KANK4: variants seen among roughly 807,000 people sequenced by gnomAD.
The protein encoded by KANK4 is KN motif and ankyrin repeat domain-containing protein 4.
In KANK4, 50 loss-of-function variants were observed where a neutral mutation model predicts 80.8. The observed-to-expected ratio is 0.62, with a 90% CI of 0.49 to 0.78. KANK4 has a LOEUF of 0.78. Ranked by LOEUF, KANK4 falls within the 30% of genes least tolerant of loss-of-function variation. The pLI is 0.00. For synonymous variants in KANK4, 465 were observed against 506.9 expected (o/e 0.92, Z 1.11); for missense variants, 1,196 against 1,240.1 (o/e 0.96, Z 0.53).
At chr1:62,306,717 A>C (rs1370270410) in intron 1 of KANK4, among the ~76,000 whole-genome samples, 1 of 152,120 alleles carries the variant, frequency 6.6e-6, no homozygotes, top group Middle Eastern at 3.2e-3. Context: ...AATTTTTAAT[A>C]AAAAAATTCC....
intron 1 of KANK4, among the ~76,000 whole-genome samples, chr1:62,314,736 T>C (rs1644526339): frequency 6.6e-6 from 1 of 152,078 alleles, no homozygotes; most frequent in Non-Finnish European, 1.5e-5. Context: ...ACAAGTTTTA[T>C]TTACTTTTGG....
At chr1:62,261,407 G>C (rs1028154343) in intron 7 of KANK4, among the ~76,000 whole-genome samples, 3 of 151,654 alleles carry the variant, frequency 2.0e-5, no homozygotes, top group Non-Finnish European at 4.4e-5. Flanking sequence ...TGATCCACCC[G>C]CTTCGGCCTC....
intron 1 of KANK4, among the ~76,000 whole-genome samples, chr1:62,299,854 G>A (rs888882687): frequency 2.0e-5 from 3 of 152,072 alleles, no homozygotes; most frequent in Admixed American, 6.5e-5. Flanking sequence ...AGAGTGAGCC[G>A]TTCAAAATAG....
At chr1:62,267,610 G>A (rs1672053890) in intron 5 of KANK4, among the ~76,000 whole-genome samples, 1 of 152,114 alleles carries the variant, frequency 6.6e-6, no homozygotes, top group Admixed American at 6.5e-5. Flanking sequence ...GATCAGCCTG[G>A]CCAACATAGT....
chr1:62,252,407 G>A (rs796675363), intron 8 of KANK4, among the ~76,000 whole-genome samples: 4 of 152,382 alleles, frequency 2.6e-5, no homozygotes, highest in African/African-American at 9.6e-5. Flanking sequence ...GCAGAGGTAA[G>A]GCAGATAGGA....
At chr1:62,256,635 G>A (rs1030679069) in intron 7 of KANK4, among the ~76,000 whole-genome samples, 5 of 152,094 alleles carry the variant, frequency 3.3e-5, no homozygotes, top group East Asian at 1.9e-4. Context: ...CGCGCACCTC[G>A]GCCTCCCAAA....
rs1457828810 is a variant in KANK4, at chr1:62,268,155, G to A, written c.2231+132C>T. 4.0e-6 allele frequency: 3 copies of A among 756,836 alleles called. No individual in the cohort carries two copies. The African/African-American group carries it at 5.3e-5, about 13-fold the overall frequency. The allele number at this position is 756,836 out of a possible 1,614,324, so 46.9% of individuals were successfully genotyped here. A position where few individuals can be genotyped will look rare whatever the true frequency, so the allele number is the denominator to read the frequency against. On this transcript the variant is annotated intron_variant, in intron 5 of 9. Coordinates refer to ENST00000371153, the MANE Select transcript of KANK4 (RefSeq NM_181712.5). ...TTCAACCAGTGCACAGTGTGGGCAT[G>A]AAACAGAGACTTAAACAACACTGGC...
At chr1:62,279,407 G>A (rs894154694) in intron 2 of KANK4, among the ~76,000 whole-genome samples, 1 of 152,218 alleles carries the variant, frequency 6.6e-6, no homozygotes, top group Non-Finnish European at 1.5e-5. Context: ...CTGGTGACAG[G>A]TATGCGGGAG....
intron 1 of KANK4, among the ~76,000 whole-genome samples, chr1:62,307,527 C>T (rs1644462544): frequency 6.7e-6 from 1 of 149,998 alleles, no homozygotes; most frequent in South Asian, 2.1e-4. Flanking sequence ...AATTCATTTC[C>T]TAATCTGATA....
intron 6 of KANK4, among the ~76,000 whole-genome samples, chr1:62,263,875 G>A (rs1557480658): frequency 6.6e-6 from 1 of 152,188 alleles, no homozygotes; most frequent in Admixed American, 6.5e-5. Context: ...AGGACCTTGA[G>A]AGTAAATGGT....
intron 9 of KANK4, among the ~76,000 whole-genome samples, chr1:62,243,067 C>A (rs1014444611): frequency 2.6e-5 from 4 of 152,220 alleles, no homozygotes; most frequent in African/African-American, 9.6e-5. Context: ...ATTACCTGCA[C>A]TACCTGGGCA....
chr1:62,312,443 C>A (rs113867775), intron 1 of KANK4, among the ~76,000 whole-genome samples: 2,072 of 152,304 alleles, frequency 0.014, 42 homozygotes, highest in African/African-American at 0.047. Flanking sequence ...TATACGGGAA[C>A]CCCTTGGGGC....
At chr1:62,269,996 G>A (rs747401719) in intron 4 of KANK4, among the ~76,000 whole-genome samples, 6 of 152,168 alleles carry the variant, frequency 3.9e-5, no homozygotes, top group Admixed American at 6.6e-5. Flanking sequence ...TGTTTCCAGC[G>A]TGCAACCAAG....
In KANK4 at chr1:62,293,062, T is replaced by TTGTGTG. The variant is rs5774593; in HGVS notation, c.-70-11434_-70-11429dup. Reference sequence around the variant, plus strand: ...CCCCTGCCATTAAGTGTCTCAATCTTTGTGTGTGTGTGTGTGTGTGTGTGT... The same window carrying TTGTGTG: ...CCCCTGCCATTAAGTGTCTCAATCTTTGTGTGTGTGTGTGTGTGTGTGTGTGTGTGT... On this transcript the variant is annotated intron_variant, in intron 1 of 9. Transcript: ENST00000371153. Among the ~76,000 whole-genome samples, 460 of 146,772 alleles carry TTGTGTG rather than the reference T, an allele frequency of 3.1e-3. 7 individuals are homozygous for TTGTGTG. In the South Asian group the frequency reaches 0.035, roughly 11 times the overall value.
intron 4 of KANK4, among the ~76,000 whole-genome samples, chr1:62,270,836 C>G (rs1001206908): frequency 6.6e-6 from 1 of 150,646 alleles, no homozygotes; most frequent in Non-Finnish European, 1.5e-5. Context: ...CAAAACTTAT[C>G]TCAGCACATC....
rs749237218 is a variant in KANK4, at chr1:62,273,874, C to T, written c.1230G>A (p.Thr410=). The T allele has an allele frequency of 6.8e-6, 11 of 1,614,068 alleles. No homozygotes were observed. Among genetic ancestry groups the T allele is most frequent in the Middle Eastern group, 1.6e-4 (1 of 6,084 alleles). Residue 410 remains threonine, a synonymous_variant, in exon 3 of 10, where the codon ACG becomes ACA. Transcript: ENST00000371153. ...CAGGGTCAGTGTTCACCATCACGTC[C>T]GTCTGGCCCTGAGTGTCTTTGGCGT... is the stretch of plus-strand genomic sequence containing the variant. ...QENAKDTQGQ[T]DVMVNTDPVH... is the part of the protein sequence containing the mutation.
chr1:62,257,455 G>A (rs1671777854), intron 7 of KANK4, among the ~76,000 whole-genome samples: 5 of 152,214 alleles, frequency 3.3e-5, no homozygotes, highest in Admixed American at 3.3e-4. Flanking sequence ...TCTCCCTGGA[G>A]GTGACAGAGG....
At chr1:62,262,019 C>T (rs1053237810) in intron 7 of KANK4, among the ~76,000 whole-genome samples, 6 of 152,330 alleles carry the variant, frequency 3.9e-5, no homozygotes, top group Non-Finnish European at 7.4e-5. Flanking sequence ...CCTAGCTCAC[C>T]TTTGCATCCC....
chr1:62,250,235 G>A lies in KANK4; in HGVS notation c.2683-2563C>T, dbSNP rs112116932. Among the ~76,000 whole-genome samples, 101 of 151,016 alleles carry A rather than the reference G, an allele frequency of 6.7e-4. 1 individual carries two copies. The highest frequency in any genetic ancestry group is 2.3e-3 in the African/African-American group (93 of 41,128). On this transcript the variant is annotated intron_variant, in intron 8 of 9. Coordinates refer to ENST00000371153, the MANE Select transcript of KANK4 (RefSeq NM_181712.5). ...ACTCCCGACCTCAAGTGATCAGCCC[G>A]CCTCGGCCTCCCAAAGTGCTGGGAT...
Sources: allele counts gnomAD v4.1 joint callset (sites outside exome capture counted in the v4.1 genomes callset), GRCh38; gene constraint gnomAD v4.1.1; transcripts MANE v1.5; gene names NCBI Gene and HGNC (gene_info 2026-07-23, HGNC 2026-07-21).